TTC28: variants seen among roughly 807,000 people sequenced by gnomAD.
TTC28 encodes tetratricopeptide repeat domain 28, also known as tetratricopeptide repeat protein 28.
A neutral mutation model predicts 198.0 loss-of-function variants in TTC28; 61 were observed. That is an observed-to-expected ratio of 0.31 (90% CI 0.25 to 0.38). The LOEUF (loss-of-function observed/expected upper bound fraction) is 0.38. Ranked by LOEUF, TTC28 falls within the 10% of genes least tolerant of loss-of-function variation. The pLI is 1.00. For synonymous variants in TTC28, 1,171 were observed against 1,297.8 expected, an observed-to-expected ratio of 0.90 and a Z score of 2.10; for missense variants, 2,678 against 3,164.0, an observed-to-expected ratio of 0.85 and a Z score of 3.69.
intron 2 of TTC28, among the ~76,000 whole-genome samples, chr22:28,534,074 G>C (rs968724478): frequency 1.1e-3 from 167 of 152,192 alleles, no homozygotes; most frequent in African/African-American, 3.8e-3. Context: ...TCTAACTAAA[G>C]TAAAGAGCTT....
At chr22:28,042,810 A>T (rs977871826) in intron 12 of TTC28, among the ~76,000 whole-genome samples, 3 of 152,348 alleles carry the variant, frequency 2.0e-5, no homozygotes, top group African/African-American at 7.2e-5. Context: ...GCTGCCTCAC[A>T]TAGGAGAAGA....
At chr22:28,661,960 T>TG (rs1343607023) in intron 1 of TTC28, among the ~76,000 whole-genome samples, 1 of 152,096 alleles carries the variant, frequency 6.6e-6, no homozygotes, top group Non-Finnish European at 1.5e-5. Context: ...AGGCTGGTCT[T>TG]GAACTCCTGA....
chr22:28,163,748 T>G lies in TTC28; in HGVS notation c.934-149A>C, dbSNP rs137884263. 3.2e-3 allele frequency: 2,988 copies of G among 921,690 alleles called. 61 individuals carry two copies. The African/African-American group carries it at 0.045, about 14-fold the overall frequency. The allele number at this position is 921,690 out of a possible 1,614,324, so 57.1% of individuals were successfully genotyped here. On this transcript the variant is annotated intron_variant, in intron 5 of 22. Coordinates refer to ENST00000397906, the MANE Select transcript of TTC28 (RefSeq NM_001145418.2). ...CAGCGTGAGTGACGCAGAAGACGGG[T>G]GATTTCTGCATTTCCAACTGAGGTA... is the stretch of plus-strand genomic sequence containing the variant.
At chr22:28,209,580 G>C in intron 5 of TTC28, among the ~76,000 whole-genome samples, 1 of 152,202 alleles carries the variant, frequency 6.6e-6, no homozygotes, top group East Asian at 1.9e-4. Flanking sequence ...GCAGCAGCGA[G>C]GCTGGGGGAG....
At chr22:28,236,410 A>C (rs1929253081) in intron 5 of TTC28, among the ~76,000 whole-genome samples, 2 of 152,164 alleles carry the variant, frequency 1.3e-5, no homozygotes, top group African/African-American at 4.8e-5. Flanking sequence ...TTCCAAGGTA[A>C]AGAATGAAAA....
At chr22:28,329,029 T>C (rs1000979065) in intron 2 of TTC28, among the ~76,000 whole-genome samples, 1 of 151,928 alleles carries the variant, frequency 6.6e-6, no homozygotes, top group African/African-American at 2.4e-5. Flanking sequence ...CTTACCCAAG[T>C]TGCACAGATA....
intron 2 of TTC28, among the ~76,000 whole-genome samples, chr22:28,345,352 A>G (rs779357185): frequency 1.8e-4 from 28 of 152,192 alleles, no homozygotes; most frequent in Non-Finnish European, 3.8e-4. Flanking sequence ...CAAAATGCTA[A>G]TAATCACCCC....
At chr22:28,644,318 GAA>G (rs1331219393) in intron 1 of TTC28, among the ~76,000 whole-genome samples, 1 of 149,576 alleles carries the variant, frequency 6.7e-6, no homozygotes, top group African/African-American at 2.5e-5. Flanking sequence ...AGAATGGCAT[GAA>G]CCCAGGAGGC....
At chr22:28,376,623 T>C (rs2046413080) in intron 2 of TTC28, among the ~76,000 whole-genome samples, 1 of 152,168 alleles carries the variant, frequency 6.6e-6, no homozygotes, top group African/African-American at 2.4e-5. Context: ...GGGTAAGCCC[T>C]ACCTCTAAGT....
At chr22:28,205,480 T>A (rs186251036) in intron 5 of TTC28, among the ~76,000 whole-genome samples, 22 of 152,158 alleles carry the variant, frequency 1.4e-4, no homozygotes, top group Non-Finnish European at 1.9e-4. Flanking sequence ...CAGGGTCAAG[T>A]TGATATGAAA....
chr22:28,645,098 T>C (rs561022673), intron 1 of TTC28, among the ~76,000 whole-genome samples: 2 of 151,568 alleles, frequency 1.3e-5, no homozygotes, highest in East Asian at 2.0e-4. Context: ...TGAGCTGAGA[T>C]TGCGCCACTG....
intron 1 of TTC28, among the ~76,000 whole-genome samples, chr22:28,650,634 A>C (rs558248135): frequency 1.3e-5 from 2 of 152,368 alleles, no homozygotes; most frequent in South Asian, 4.1e-4. Flanking sequence ...CTAGGAATGC[A>C]TAATTAATGC....
At chr22:28,171,312 T>G (rs942071510) in intron 5 of TTC28, among the ~76,000 whole-genome samples, 1 of 152,170 alleles carries the variant, frequency 6.6e-6, no homozygotes, top group African/African-American at 2.4e-5. Context: ...CCTTTCTTCA[T>G]GAAGTTCCCT....
chr22:28,312,928 T>G (rs933209870), intron 2 of TTC28, among the ~76,000 whole-genome samples: 16 of 151,982 alleles, frequency 1.1e-4, no homozygotes, highest in Non-Finnish European at 2.1e-4. Context: ...CAGGAGCTAG[T>G]TTTTTAAAAA....
intron 12 of TTC28, among the ~76,000 whole-genome samples, chr22:28,039,251 C>G (rs1939506219): frequency 6.6e-6 from 1 of 152,116 alleles, no homozygotes; most frequent in Non-Finnish European, 1.5e-5. Flanking sequence ...CTCACAATAG[C>G]AAACACTTGG....
intron 2 of TTC28, among the ~76,000 whole-genome samples, chr22:28,536,159 A>C (rs1272285895): frequency 7.1e-6 from 1 of 141,104 alleles, no homozygotes; most frequent in African/African-American, 2.6e-5. Flanking sequence ...AGATCACGCC[A>C]CTGCACTCCA....
At chr22:28,072,741 T>C (rs1198336189) in intron 12 of TTC28, among the ~76,000 whole-genome samples, 2 of 152,124 alleles carry the variant, frequency 1.3e-5, no homozygotes, top group African/African-American at 4.8e-5. Flanking sequence ...AAGAAAGTAA[T>C]TGCAAGCTTA....
At chr22:28,047,599 C>T (rs1939919280) in intron 12 of TTC28, among the ~76,000 whole-genome samples, 1 of 152,186 alleles carries the variant, frequency 6.6e-6, no homozygotes, top group South Asian at 2.1e-4. Context: ...TTCGCAAAGC[C>T]ATGTATCCAA....
chr22:28,060,096 G>A (rs569012008), intron 12 of TTC28, among the ~76,000 whole-genome samples: 9 of 151,058 alleles, frequency 6.0e-5, no homozygotes, highest in Non-Finnish European at 1.2e-4. Context: ...TTTTTAAAAA[G>A]ATCCTTTTGT....
Sources: gnomAD v4.1 joint callset for allele counts (sites outside exome capture counted in the v4.1 genomes callset) on GRCh38, gnomAD v4.1.1 for gene constraint, MANE v1.5 for transcripts, NCBI Gene and HGNC (gene_info 2026-07-23, HGNC 2026-07-21) for gene names.